Variants in MEI4 observed in about 807,000 individuals in gnomAD.
The protein encoded by MEI4 is meiotic double-stranded break formation protein 4.
MEI4 carries 27 observed loss-of-function variants against 31.4 expected under a neutral mutation model. That is an observed-to-expected ratio of 0.86 (90% CI 0.63 to 1.19). The LOEUF (loss-of-function observed/expected upper bound fraction) is 1.19, where lower values mean the gene tolerates loss of function less well. Ranked by LOEUF, MEI4 falls within the 50% of genes most tolerant of loss-of-function variation. MEI4 has a pLI of 0.00. For missense variants in MEI4, 329 were observed against 398.9 expected (o/e 0.82, Z 1.49); for synonymous variants, 122 against 145.4 (o/e 0.84, Z 1.16).
chr6:77,665,213 G>GGC, intron 1 of MEI4, among the ~76,000 whole-genome samples: 1 of 151,872 alleles, frequency 6.6e-6, no homozygotes, highest in South Asian at 2.1e-4. Flanking sequence ...AAGGGGTCGG[G>GGC]ACATGGAAAT....
intron 2 of MEI4, among the ~76,000 whole-genome samples, chr6:77,734,243 T>C (rs1002728788): frequency 1.3e-5 from 2 of 152,052 alleles, no homozygotes; most frequent in African/African-American, 4.8e-5. Context: ...CATCTCCCAT[T>C]ATTAATGTGT....
chr6:77,815,975 A>C (rs1227730404), intron 3 of MEI4, among the ~76,000 whole-genome samples: 1 of 152,106 alleles, frequency 6.6e-6, no homozygotes, highest in Non-Finnish European at 1.5e-5. Flanking sequence ...AGGCAGAGCC[A>C]ATTTTTTCTC....
In MEI4 at chr6:77,835,792, TGTG is replaced by T. The variant is rs1359910258; in HGVS notation, c.900+6734_900+6736del. On this transcript the variant is annotated intron_variant, in intron 4 of 4. Transcript: ENST00000684080. Reference sequence around the variant, plus strand: ...ATTTCTATTTTAAAATATGGCTTGATGTGGTGTATCTAAAATGAGTATTTGATA... The same window carrying T: ...ATTTCTATTTTAAAATATGGCTTGATGTGTATCTAAAATGAGTATTTGATA... 1.4e-4 allele frequency among the ~76,000 whole-genome samples: 22 copies of T among 152,192 alleles called. No homozygotes were observed. The East Asian group carries it at 3.3e-3, about 23-fold the overall frequency.
At chr6:77,787,272 C>T (rs912908713) in intron 3 of MEI4, among the ~76,000 whole-genome samples, 9 of 152,168 alleles carry the variant, frequency 5.9e-5, no homozygotes, top group African/African-American at 1.7e-4. Flanking sequence ...AGGAAGGCCA[C>T]ATTCATCTGT....
chr6:77,695,682 T>G (rs1766016043), intron 2 of MEI4, among the ~76,000 whole-genome samples: 1 of 152,198 alleles, frequency 6.6e-6, no homozygotes, highest in Non-Finnish European at 1.5e-5. Flanking sequence ...TAGTATAGTT[T>G]GAAGTCAGGT....
chr6:77,861,895 TC>T (rs974417389), intron 4 of MEI4, among the ~76,000 whole-genome samples: 6 of 152,164 alleles, frequency 3.9e-5, no homozygotes, highest in African/African-American at 1.4e-4. Flanking sequence ...TTTCTGATGA[TC>T]TTTTTTTATA....
At chr6:77,677,667 T>G (rs904742089) in intron 1 of MEI4, among the ~76,000 whole-genome samples, 1 of 152,138 alleles carries the variant, frequency 6.6e-6, no homozygotes, top group African/African-American at 2.4e-5. Context: ...TGTCCTCACC[T>G]CAGCCTCAAT....
Position 77,898,772 on chromosome 6 carries a change from A to AT in MEI4, c.901-24308dup, listed in dbSNP as rs918886194. The stretch of plus-strand genomic sequence containing the variant: ...TCAAATATACAGTCCCCTTTGTTAC[A>AT]TTTTTTTTTATCCAAGGAATGTGAC... On this transcript the variant is annotated intron_variant, in intron 4 of 4. Coordinates refer to ENST00000684080, the MANE Select transcript of MEI4 (RefSeq NM_001322247.2). Among the ~76,000 whole-genome samples the AT allele has an allele frequency of 2.8e-4, 43 of 151,290 alleles. 1 individual carries two copies. Among genetic ancestry groups the AT allele is most frequent in the Admixed American group, 1.5e-3 (23 of 15,102 alleles).
chr6:77,920,553 C>T (rs867956305), intron 4 of MEI4, among the ~76,000 whole-genome samples: 38 of 151,978 alleles, frequency 2.5e-4, no homozygotes, highest in Middle Eastern at 3.4e-3. Context: ...GTATTTCTTT[C>T]ATGAATTACA....
chr6:77,658,179 T>G (rs1470068603), intron 1 of MEI4, among the ~76,000 whole-genome samples: 1 of 152,134 alleles, frequency 6.6e-6, no homozygotes, highest in African/African-American at 2.4e-5. Flanking sequence ...GGCGGTGAAG[T>G]TAAGAGCAAT....
Position 77,775,487 on chromosome 6 carries a change from A to G in MEI4, c.768+13822A>G, listed in dbSNP as rs9443469. On this transcript the variant is annotated intron_variant, in intron 3 of 4. Transcript: ENST00000684080. ...ACTTAGAATAATGGTCTTCAATACC[A>G]TCCAGGTTGATGTGAATGCCATTAT... Among the ~76,000 whole-genome samples the G allele has an allele frequency of 7.0e-3, 1,059 of 152,246 alleles. 13 individuals carry two copies. The highest frequency in any genetic ancestry group is 0.024 in the African/African-American group (999 of 41,542).
Position 77,924,566 on chromosome 6 carries a change from T to G in MEI4, c.*1220T>G, listed in dbSNP as rs991456462. The G allele has an allele frequency of 1.3e-4, 19 of 151,968 alleles. No homozygotes were observed. Among genetic ancestry groups the G allele is most frequent in the African/African-American group, 2.6e-4 (11 of 41,514 alleles). The allele number at this position is 151,968 out of a possible 1,614,324, so 9.4% of individuals were successfully genotyped here. ...AGGATCAGCTGATTTGGACTGGACT[T>G]GACTTTAATGAAAAGCTCTGCTGAG... On this transcript the variant is annotated 3_prime_UTR_variant, in exon 5 of 5. Transcript: ENST00000684080.
chr6:77,856,918 G>A (rs1326937065), intron 4 of MEI4, among the ~76,000 whole-genome samples: 1 of 152,082 alleles, frequency 6.6e-6, no homozygotes, highest in Non-Finnish European at 1.5e-5. Context: ...TGTATTATAT[G>A]TTAATAATTA....
intron 4 of MEI4, among the ~76,000 whole-genome samples, chr6:77,921,411 T>C (rs1413693129): frequency 1.3e-5 from 2 of 151,812 alleles, no homozygotes; most frequent in African/African-American, 4.8e-5. Context: ...GTGAATATTG[T>C]GATTGGTTTG....
At chr6:77,672,646 T>G (rs1768767167) in intron 1 of MEI4, among the ~76,000 whole-genome samples, 1 of 152,216 alleles carries the variant, frequency 6.6e-6, no homozygotes, top group African/African-American at 2.4e-5. Context: ...TTCAAGCGAT[T>G]CTCCTACTTC....
At chr6:77,808,169 T>C (rs897037183) in intron 3 of MEI4, among the ~76,000 whole-genome samples, 2 of 152,208 alleles carry the variant, frequency 1.3e-5, no homozygotes, top group East Asian at 1.9e-4. Context: ...TATGATGGAA[T>C]ATGAAATGTC....
chr6:77,704,583 C>T (rs1766290892), intron 2 of MEI4, among the ~76,000 whole-genome samples: 1 of 152,130 alleles, frequency 6.6e-6, no homozygotes, highest in Admixed American at 6.5e-5. Flanking sequence ...TCTCAGATCC[C>T]ACCATTCCTG....
chr6:77,857,618 C>T (rs758254048), intron 4 of MEI4, among the ~76,000 whole-genome samples: 57 of 152,282 alleles, frequency 3.7e-4, no homozygotes, highest in South Asian at 1.0e-3. Flanking sequence ...GCCCCTCTGA[C>T]CTTGTCACTT....
intron 3 of MEI4, among the ~76,000 whole-genome samples, chr6:77,764,414 A>G (rs957990061): frequency 6.6e-6 from 1 of 151,694 alleles, no homozygotes; most frequent in Non-Finnish European, 1.5e-5. Flanking sequence ...TATTTTTTTT[A>G]TTTTTAAACT....
Sources: gnomAD v4.1 joint callset for allele counts (sites outside exome capture counted in the v4.1 genomes callset) on GRCh38, gnomAD v4.1.1 for gene constraint, MANE v1.5 for transcripts, NCBI Gene and HGNC (gene_info 2026-07-23, HGNC 2026-07-21) for gene names.